Variants in LHFPL6 observed in about 807,000 individuals in gnomAD.
The protein encoded by LHFPL6 is LHFPL tetraspan subfamily member 6.
In LHFPL6, 9 loss-of-function variants were observed where a neutral mutation model predicts 20.6. That is an observed-to-expected ratio of 0.44 (90% CI 0.26 to 0.76). The LOEUF is 0.76. LHFPL6 is among the 30% of genes least tolerant of loss of function. LHFPL6 has a pLI of 0.20. For missense variants in LHFPL6, 218 were observed against 253.5 expected, an observed-to-expected ratio of 0.86 and a Z score of 0.95; for synonymous variants, 105 against 98.7, an observed-to-expected ratio of 1.06 and a Z score of -0.38.
At chr13:39,383,718 A>G (rs1321542602) in intron 2 of LHFPL6, among the ~76,000 whole-genome samples, 1 of 152,244 alleles carries the variant, frequency 6.6e-6, no homozygotes, top group Non-Finnish European at 1.5e-5. Flanking sequence ...ACTATATTTC[A>G]TAAACTAGTG....
chr13:39,563,987 A>C (rs1371772569), intron 2 of LHFPL6, among the ~76,000 whole-genome samples: 1 of 152,106 alleles, frequency 6.6e-6, no homozygotes, highest in Non-Finnish European at 1.5e-5. Context: ...AAATGGTGTA[A>C]GTCTCCCCGT....
At chr13:39,444,469 C>T (rs1872231943) in intron 2 of LHFPL6, among the ~76,000 whole-genome samples, 1 of 152,192 alleles carries the variant, frequency 6.6e-6, no homozygotes, top group South Asian at 2.1e-4. Context: ...TTTCAGAGAT[C>T]TCCAAGGCAA....
At chr13:39,514,531 A>G (rs1387996094) in intron 2 of LHFPL6, among the ~76,000 whole-genome samples, 1 of 152,188 alleles carries the variant, frequency 6.6e-6, no homozygotes, top group Non-Finnish European at 1.5e-5. Flanking sequence ...TGAGCACCAC[A>G]ATAATCTAGG....
chr13:39,474,803 T>A (rs1448052936), intron 2 of LHFPL6, among the ~76,000 whole-genome samples: 2 of 151,882 alleles, frequency 1.3e-5, no homozygotes, highest in Non-Finnish European at 2.9e-5. Flanking sequence ...CAGACAGCGA[T>A]GCATCTCACA....
chr13:39,489,052 AGGAC>A (rs1868824676), intron 2 of LHFPL6, among the ~76,000 whole-genome samples: 1 of 152,214 alleles, frequency 6.6e-6, no homozygotes, highest in Non-Finnish European at 1.5e-5. Context: ...ATATCATTTA[AGGAC>A]TCCCATCTCT....
chr13:39,586,072 A>G (rs1872438269), intron 2 of LHFPL6, among the ~76,000 whole-genome samples: 1 of 152,206 alleles, frequency 6.6e-6, no homozygotes, highest in South Asian at 2.1e-4. Context: ...CTAATAAAAT[A>G]AGAATAGATT....
At chr13:39,472,744 G>A (rs548258826) in intron 2 of LHFPL6, among the ~76,000 whole-genome samples, 2 of 152,090 alleles carry the variant, frequency 1.3e-5, no homozygotes, top group African/African-American at 4.8e-5. Flanking sequence ...GAGTAGCTGG[G>A]ATTACAGACA....
At chr13:39,562,831 G>C (rs1871584290) in intron 2 of LHFPL6, among the ~76,000 whole-genome samples, 1 of 151,672 alleles carries the variant, frequency 6.6e-6, no homozygotes, top group African/African-American at 2.4e-5. Context: ...ACCCACCAGA[G>C]CGCCATTCAG....
At chr13:39,504,638 T>A (rs1369459187) in intron 2 of LHFPL6, among the ~76,000 whole-genome samples, 1 of 152,212 alleles carries the variant, frequency 6.6e-6, no homozygotes, top group Non-Finnish European at 1.5e-5. Flanking sequence ...CCTCTTCTAC[T>A]AAGGACACCA....
rs375308665 is a variant in LHFPL6, at chr13:39,439,927, G to A, written c.386-61401C>T. Among the ~76,000 whole-genome samples, 187 of 152,244 alleles carry A rather than the reference G, an allele frequency of 1.2e-3. 6 individuals are homozygous for A. In the South Asian group the frequency reaches 0.038, roughly 31 times the overall value. On this transcript the variant is annotated intron_variant, in intron 2 of 3. Coordinates refer to ENST00000379589, the MANE Select transcript of LHFPL6 (RefSeq NM_005780.3). ...ACCTCTTTTCTTTATAAATTACCCAGTCTTAGGTGTTTCTTTATAGCAGTG... is the reference window on the plus strand; with the variant it reads ...ACCTCTTTTCTTTATAAATTACCCAATCTTAGGTGTTTCTTTATAGCAGTG...
chr13:39,374,927 C>A (rs1451593219), intron 3 of LHFPL6, among the ~76,000 whole-genome samples: 1 of 152,186 alleles, frequency 6.6e-6, no homozygotes, highest in Non-Finnish European at 1.5e-5. Flanking sequence ...TGTTGGCTGA[C>A]TAATTGAGAT....
intron 2 of LHFPL6, among the ~76,000 whole-genome samples, chr13:39,510,989 C>T (rs1869681446): frequency 6.6e-6 from 1 of 152,008 alleles, no homozygotes; most frequent in Non-Finnish European, 1.5e-5. Flanking sequence ...TCTCCTGCAT[C>T]AGCTTCCCGA....
intron 2 of LHFPL6, among the ~76,000 whole-genome samples, chr13:39,580,192 T>C (rs960371993): frequency 5.3e-5 from 8 of 151,738 alleles, no homozygotes; most frequent in Non-Finnish European, 8.8e-5. Flanking sequence ...GGAAGAGAGA[T>C]GGGGAATTAA....
At chr13:39,534,287 C>T (rs1031654767) in intron 2 of LHFPL6, among the ~76,000 whole-genome samples, 7 of 152,084 alleles carry the variant, frequency 4.6e-5, no homozygotes, top group African/African-American at 1.7e-4. Context: ...GAAATTGAAG[C>T]TTTCTTGTTA....
At chr13:39,602,781 C>T (rs1374226931) in intron 1 of LHFPL6, 102 bp downstream of exon 1, 3 of 152,376 alleles carry the variant, frequency 2.0e-5, no homozygotes, top group Non-Finnish European at 4.4e-5. Flanking sequence ...CTCAGGAAGT[C>T]CGGAGCCCGG....
intron 2 of LHFPL6, among the ~76,000 whole-genome samples, chr13:39,494,171 A>C (rs1180168579): frequency 6.6e-6 from 1 of 152,214 alleles, no homozygotes; most frequent in African/African-American, 2.4e-5. Flanking sequence ...CATTGTGCTG[A>C]AGCAATTACC....
intron 2 of LHFPL6, among the ~76,000 whole-genome samples, chr13:39,454,690 G>C (rs953937490): frequency 6.6e-6 from 1 of 151,272 alleles, no homozygotes; most frequent in Admixed American, 6.6e-5. Flanking sequence ...GGTAAGAGCT[G>C]GGTTTGGTTT....
At chr13:39,529,488 T>A (rs1271922930) in intron 2 of LHFPL6, among the ~76,000 whole-genome samples, 1 of 152,196 alleles carries the variant, frequency 6.6e-6, no homozygotes, top group Non-Finnish European at 1.5e-5. Context: ...TTCAAAGTCC[T>A]AGGCAGGGGA....
chr13:39,560,873 T>C (rs559955329), intron 2 of LHFPL6, among the ~76,000 whole-genome samples: 7 of 152,262 alleles, frequency 4.6e-5, no homozygotes, highest in African/African-American at 1.7e-4. Context: ...CAGTTTGTCA[T>C]GTCCACTATA....
Sources: allele counts gnomAD v4.1 joint callset (sites outside exome capture counted in the v4.1 genomes callset), GRCh38; gene constraint gnomAD v4.1.1; transcripts MANE v1.5; gene names NCBI Gene and HGNC (gene_info 2026-07-23, HGNC 2026-07-21).